Variants in AK1 observed in about 807,000 individuals in gnomAD.
The protein encoded by AK1 is adenylate kinase 1, also known as adenylate kinase isoenzyme 1.
A neutral mutation model predicts 23.9 loss-of-function variants in AK1; 13 were observed. The observed-to-expected ratio is 0.54, with a 90% CI of 0.35 to 0.86. AK1 has a LOEUF of 0.86. Among genes scored for constraint, AK1 ranks in the 40% least tolerant of loss-of-function variants. The probability of loss-of-function intolerance (pLI) is 0.01; values close to 1 mark genes in which losing one functional copy is unlikely to be tolerated. For missense variants in AK1, 214 were observed against 255.1 expected, an observed-to-expected ratio of 0.84 and a Z score of 1.10; for synonymous variants, 97 against 102.8, an observed-to-expected ratio of 0.94 and a Z score of 0.34.
chr9:127,868,857 C>T lies in AK1; in HGVS notation c.325-345G>A, dbSNP rs1400920344. The stretch of plus-strand genomic sequence containing the variant: ...CTCTCCCCCGAGCCTGATCCTAACT[C>T]GCCTTCACCTCAATACCAAGCATCA... On this transcript the variant is annotated intron_variant, in intron 5 of 6. Coordinates refer to ENST00000644144, the MANE Select transcript of AK1 (RefSeq NM_000476.3). This position sits in a 1 kb window ranked among gnomAD's most constrained non-coding sequence, Gnocchi z 4.1. Among the ~76,000 whole-genome samples, 1 of 152,182 alleles carries T rather than the reference C, an allele frequency of 6.6e-6. No individual in the cohort carries two copies. The highest frequency in any genetic ancestry group is 2.4e-5 in the African/African-American group (1 of 41,430).
chr9:127,873,428 A>G, intron 2 of AK1: 1 of 1,560,634 alleles, frequency 6.4e-7, no homozygotes, highest in Non-Finnish European at 8.6e-7. Context: ...TGCGGGGGTC[A>G]CTCGAGGAGC....
intron 1 of AK1, among the ~76,000 whole-genome samples, chr9:127,876,331 A>G (rs1396767465): frequency 2.0e-5 from 3 of 152,202 alleles, no homozygotes; most frequent in Non-Finnish European, 4.4e-5. Context: ...TGGGCTGAGC[A>G]CAGGGCTGGG....
At chr9:127,876,066 C>A (rs919634674) in intron 1 of AK1, among the ~76,000 whole-genome samples, 6 of 152,196 alleles carry the variant, frequency 3.9e-5, no homozygotes, top group Non-Finnish European at 8.8e-5. Flanking sequence ...GGTGAGCTGA[C>A]CTCTGCTGCC....
upstream of AK1, chr9:127,878,410 C>G (rs1588621815): frequency 6.6e-6 from 1 of 152,238 alleles, no homozygotes; most frequent in South Asian, 2.1e-4. Context: ...AGACTCCAGC[C>G]GCATCTGTGA....
chr9:127,869,130 T>C (rs1309547167), intron 5 of AK1, among the ~76,000 whole-genome samples: 1 of 152,158 alleles, frequency 6.6e-6, no homozygotes, highest in Non-Finnish European at 1.5e-5. Flanking sequence ...AATGTCCGTG[T>C]CATTGGAACA....
rs770615689 is a variant in AK1 at position 127,868,179 on chromosome 9, A to G, written c.517-103T>C. ...AGGCCTGCCTCCCCGAGCCCAACCT[A>G]ATTGACAGCAGCCCCTCATTGAACC... On this transcript the variant is annotated intron_variant, in intron 6 of 6. Coordinates refer to ENST00000644144, the MANE Select transcript of AK1 (RefSeq NM_000476.3). The surrounding 1 kb of genome is among the most constrained non-coding windows in gnomAD (Gnocchi z 4.1). 41 of 1,475,698 alleles carry G rather than the reference A, an allele frequency of 2.8e-5. No homozygotes were observed. Among genetic ancestry groups the G allele is most frequent in the Non-Finnish European group, 3.6e-5 (38 of 1,066,798 alleles). 91.4% of individuals were successfully genotyped at this position (1,475,698 alleles called of 1,614,324 possible). A position where few individuals can be genotyped will look rare whatever the true frequency, so the allele number is the denominator to read the frequency against.
chr9:127,871,547 G>C lies in AK1; in HGVS notation c.324+276C>G, dbSNP rs535995484. 2.0e-5 allele frequency among the ~76,000 whole-genome samples: 3 copies of C among 151,708 alleles called. No homozygotes were observed. In the East Asian group the frequency reaches 5.8e-4, roughly 29 times the overall value. ...TGCATTTTGCAGATGGGAAAACTGAGGTTCAGGAGGCAGAATGACTGGCCC... is the reference window on the plus strand; with the variant it reads ...TGCATTTTGCAGATGGGAAAACTGACGTTCAGGAGGCAGAATGACTGGCCC... On this transcript the variant is annotated intron_variant, in intron 5 of 6. Transcript: ENST00000644144. The surrounding 1 kb of genome is among the most constrained non-coding windows in gnomAD (Gnocchi z 4.4).
intron 5 of AK1, among the ~76,000 whole-genome samples, chr9:127,869,043 A>G (rs1829321949): frequency 6.6e-6 from 1 of 152,172 alleles, no homozygotes; most frequent in Admixed American, 6.5e-5. Flanking sequence ...TTGTCTCACA[A>G]TTCTGGGGTC....
rs1020346247 is a variant in AK1, at chr9:127,871,705, G to C, written c.324+118C>G. 7 of 836,668 alleles carry C rather than the reference G, an allele frequency of 8.4e-6. No homozygotes were observed. Among genetic ancestry groups the C allele is most frequent in the Non-Finnish European group, 1.2e-5 (6 of 484,158 alleles). The allele number at this position is 836,668 out of a possible 1,614,324, so 51.8% of individuals were successfully genotyped here. On this transcript the variant is annotated intron_variant, in intron 5 of 6. Coordinates refer to ENST00000644144, the MANE Select transcript of AK1 (RefSeq NM_000476.3). This position sits in a 1 kb window ranked among gnomAD's most constrained non-coding sequence, Gnocchi z 4.4. ...GTTTTCCTCCTCACCCACACTCCATGAATCAGCCTCTGCTCAGAACTCTGA... is the reference window on the plus strand; with the variant it reads ...GTTTTCCTCCTCACCCACACTCCATCAATCAGCCTCTGCTCAGAACTCTGA...
intron 5 of AK1, among the ~76,000 whole-genome samples, chr9:127,870,412 G>T (rs993731788): frequency 6.6e-6 from 1 of 152,102 alleles, no homozygotes; most frequent in Non-Finnish European, 1.5e-5. Context: ...TGTTGGCCAG[G>T]CTGGTTTTGA....
Position 127,872,869 on chromosome 9 carries a change from C to T in AK1, c.44-16G>A, listed in dbSNP as rs74522986. On this transcript the variant is annotated splice_polypyrimidine_tract_variant and intron_variant, in intron 3 of 6. Coordinates refer to ENST00000644144, the MANE Select transcript of AK1 (RefSeq NM_000476.3). Reference sequence around the variant, plus strand: ...CCAGGCCCACCTGCAAACGCCCACCCATTCATAAACCCCGAGACACAGGGT... The same window carrying T: ...CCAGGCCCACCTGCAAACGCCCACCTATTCATAAACCCCGAGACACAGGGT... 1,251 of 1,613,990 alleles carry T rather than the reference C, an allele frequency of 7.8e-4. 12 individuals carry two copies. In the African/African-American group the frequency reaches 0.015, roughly 19 times the overall value.
At chr9:127,874,088 T>A in intron 2 of AK1, 1 of 985,442 alleles carries the variant, frequency 1.0e-6, no homozygotes, top group Non-Finnish European at 1.2e-6. Context: ...CTTTAAGAGC[T>A]GCCCAGGCCA....
chr9:127,876,712 G>C (rs1004988128), intron 1 of AK1, among the ~76,000 whole-genome samples: 3 of 131,564 alleles, frequency 2.3e-5, no homozygotes, highest in Non-Finnish European at 4.7e-5. Flanking sequence ...GATGGCACCT[G>C]CCACTTCCTT....
Position 127,868,234 on chromosome 9 carries a change from G to T in AK1, c.516+87C>A. ...GGGAAACCAAGGCCCAGAGAGAGGG[G>T]CTGGCCTGAGGCCACACAGTGAGCT... is the stretch of plus-strand genomic sequence containing the variant. On this transcript the variant is annotated intron_variant, in intron 6 of 6. Transcript: ENST00000644144. This position sits in a 1 kb window ranked among gnomAD's most constrained non-coding sequence, Gnocchi z 4.1. 1.4e-6 allele frequency: 2 copies of T among 1,464,690 alleles called. No homozygotes were observed. The highest frequency in any genetic ancestry group is 1.9e-6 in the Non-Finnish European group (2 of 1,069,244). 90.7% of individuals were successfully genotyped at this position (1,464,690 alleles called of 1,614,324 possible).
chr9:127,875,738 T>C (rs1200178682), intron 1 of AK1, among the ~76,000 whole-genome samples: 1 of 148,284 alleles, frequency 6.7e-6, no homozygotes, highest in African/African-American at 2.5e-5. Context: ...TCCAGGCCCC[T>C]ATGGCCAAGC....
chr9:127,874,971 G>A (rs901569325), intron 1 of AK1: 9 of 361,186 alleles, frequency 2.5e-5, no homozygotes, highest in Non-Finnish European at 4.3e-5. Context: ...ATAAACAGCG[G>A]CCACACAACT....
rs1219383691 is a variant in AK1 at position 127,877,087 on chromosome 9, C to A, written c.-33+536G>T. 6.6e-6 allele frequency among the ~76,000 whole-genome samples: 1 copy of A among 152,116 alleles called. No homozygotes were observed. Among genetic ancestry groups the A allele is most frequent in the East Asian group, 1.9e-4 (1 of 5,188 alleles). ...CTGTCCTGCTGCTGCTGAGGAGTAC[C>A]AGGCGGCCACTGAGCAGTGCTGTGG... is the stretch of plus-strand genomic sequence containing the variant. On this transcript the variant is annotated intron_variant, in intron 1 of 6. Coordinates refer to ENST00000644144, the MANE Select transcript of AK1 (RefSeq NM_000476.3). The surrounding 1 kb of genome is among the most constrained non-coding windows in gnomAD (Gnocchi z 5.2).
chr9:127,871,155 G>A lies in AK1; in HGVS notation c.324+668C>T, dbSNP rs761913082. ...GGCTTGTGCATGTGTATGTGCAAGC[G>A]TCCACGTGTGTGCGTGTGTGGGGTG... On this transcript the variant is annotated intron_variant, in intron 5 of 6. Coordinates refer to ENST00000644144, the MANE Select transcript of AK1 (RefSeq NM_000476.3). The surrounding 1 kb of genome is among the most constrained non-coding windows in gnomAD (Gnocchi z 4.4). Among the ~76,000 whole-genome samples, 18 of 151,756 alleles carry A rather than the reference G, an allele frequency of 1.2e-4. 1 individual carries two copies. Among genetic ancestry groups the A allele is most frequent in the Non-Finnish European group, 2.1e-4 (14 of 68,026 alleles).
At chr9:127,870,348 G>A (rs1389180176) in intron 5 of AK1, among the ~76,000 whole-genome samples, 2 of 151,998 alleles carry the variant, frequency 1.3e-5, no homozygotes, top group African/African-American at 4.8e-5. Context: ...GATTACAGGC[G>A]CCCGCCACCA....
Sources: gnomAD v4.1 joint callset for allele counts (sites outside exome capture counted in the v4.1 genomes callset) on GRCh38, gnomAD v4.1.1 for gene constraint, Gnocchi (gnomAD v3.1) non-coding constraint, MANE v1.5 for transcripts, NCBI Gene and HGNC (gene_info 2026-07-23, HGNC 2026-07-21) for gene names.